KRT76: variants seen among roughly 807,000 people sequenced by gnomAD.
KRT76 encodes keratin, type II cytoskeletal 2 oral.
KRT76 carries 47 observed loss-of-function variants against 44.9 expected under a neutral mutation model. That is an observed-to-expected ratio of 1.05 (90% CI 0.83 to 1.33). KRT76 has a LOEUF of 1.33. KRT76 is among the 40% of genes most tolerant of loss of function. KRT76 has a pLI of 0.00. For missense variants in KRT76, 860 were observed against 775.8 expected, an observed-to-expected ratio of 1.11 and a Z score of -1.29; for synonymous variants, 331 against 294.1, an observed-to-expected ratio of 1.13 and a Z score of -1.28.
In KRT76 at chr12:52,769,111, C is replaced by G; in HGVS notation, c.1520-1G>C. 1 of 698,972 alleles carries G rather than the reference C, an allele frequency of 1.4e-6. No individual in the cohort carries two copies. Among genetic ancestry groups the G allele is most frequent in the South Asian group, 1.5e-5 (1 of 65,124 alleles). 43.3% of individuals were successfully genotyped at this position (698,972 alleles called of 1,614,324 possible). On this transcript the variant is annotated splice_acceptor_variant, in intron 8 of 8. Coordinates refer to ENST00000332411, the MANE Select transcript of KRT76 (RefSeq NM_015848.4). LOFTEE classifies it high-confidence loss of function. The stretch of plus-strand genomic sequence containing the variant: ...GTGCTGGTGACATTGCTGACCACTG[C>G]TACAAGACAACAGGCACACAATTCA...
rs889219269 is a variant in KRT76 at position 52,769,932 on chromosome 12, C to T, written c.1485-349G>A. Reference sequence around the variant, plus strand: ...TGCCCTTTCATTCTTCTCTACCCAGCCCTGGATTTTTTATTTCCAATTCTG... The same window carrying T: ...TGCCCTTTCATTCTTCTCTACCCAGTCCTGGATTTTTTATTTCCAATTCTG... On this transcript the variant is annotated intron_variant, in intron 7 of 8. Coordinates refer to ENST00000332411, the MANE Select transcript of KRT76 (RefSeq NM_015848.4). 3.3e-5 allele frequency among the ~76,000 whole-genome samples: 5 copies of T among 152,284 alleles called. 1 individual carries two copies. Among genetic ancestry groups the T allele is most frequent in the Admixed American group, 3.3e-4 (5 of 15,290 alleles).
At chr12:52,770,860 G>T in intron 7 of KRT76, 139 bp downstream of exon 7, 1 of 1,095,684 alleles carries the variant, frequency 9.1e-7, no homozygotes, top group South Asian at 1.5e-5. Flanking sequence ...AGTGGGGCTT[G>T]AACCCTTGAC....
At position 52,772,280 on chromosome 12, in the gene KRT76, A is replaced by T. The variant is rs371074081; in HGVS notation, c.973-22T>A. The T allele has an allele frequency of 6.4e-6, 10 of 1,573,250 alleles. No homozygotes were observed. In the African/African-American group the frequency reaches 1.3e-4, roughly 21 times the overall value. Reference sequence around the variant, plus strand: ...GCTCCTGCAGGAAACATGGATAGTTACTCTTACCATCGCCTGGACCAGGGG... The same window carrying T: ...GCTCCTGCAGGAAACATGGATAGTTTCTCTTACCATCGCCTGGACCAGGGG... On this transcript the variant is annotated intron_variant, in intron 4 of 8. Coordinates refer to ENST00000332411, the MANE Select transcript of KRT76 (RefSeq NM_015848.4).
chr12:52,771,295 C>A, intron 6 of KRT76, 76 bp from the exon 7 acceptor site: 1 of 1,348,522 alleles, frequency 7.4e-7, no homozygotes, highest in Non-Finnish European at 1.1e-6. Flanking sequence ...TCTCTTCCCC[C>A]ACATCCTGCA....
In KRT76 at chr12:52,768,720, G is replaced by A; in HGVS notation, c.1910C>T (p.Thr637Ile). The A allele has an allele frequency of 6.3e-7, 1 of 1,592,076 alleles. No individual in the cohort carries two copies. Among genetic ancestry groups the A allele is most frequent in the East Asian group, 2.3e-5 (1 of 44,258 alleles). The change falls in exon 9 of 9, where the codon ACC becomes ATC. Residue 637 changes from threonine (T) to isoleucine (I), a missense_variant. Thr to Ile is a moderately conservative substitution (Grantham distance 89, BLOSUM62 -1). Coordinates refer to ENST00000332411, the MANE Select transcript of KRT76 (RefSeq NM_015848.4). The part of the protein sequence containing the change: ...QTTSSSQHSS[T>I]K ...GAGATTTGGAACAGTAGATCACTTG[G>A]TGGAGCTATGCTGGCTTGAGCTCGT... is the stretch of plus-strand genomic sequence containing the variant.
At chr12:52,769,238 T>C (rs1939142434) in intron 8 of KRT76, 128 bp from the exon 9 acceptor site, 1 of 611,580 alleles carries the variant, frequency 1.6e-6, no homozygotes, top group African/African-American at 1.9e-5. Context: ...AATGCCTCAG[T>C]TTGCAAACCA....
intron 8 of KRT76, 39 bp from the exon 9 acceptor site, chr12:52,769,149 G>A: frequency 3.0e-6 from 2 of 664,818 alleles, no homozygotes; most frequent in South Asian, 1.7e-5. Flanking sequence ...CAAAGGGCCT[G>A]GGAAACTGGA....
chr12:52,777,047 C>A lies in KRT76; in HGVS notation c.245G>T (p.Gly82Val), dbSNP rs199823023. The A allele has an allele frequency of 1.3e-5, 21 of 1,614,042 alleles. No individual in the cohort carries two copies. Among genetic ancestry groups the A allele is most frequent in the Non-Finnish European group, 1.7e-5 (20 of 1,179,998 alleles). Residue 82 changes from glycine (G) to valine (V), a missense_variant, in exon 1 of 9, where the codon GGG (glycine) becomes GTG (valine). Gly to Val is a moderately radical substitution (Grantham distance 109). Coordinates refer to ENST00000332411, the MANE Select transcript of KRT76 (RefSeq NM_015848.4). ...AAGSSRAGGF[G>V]GGRSSCGFAG... ...AAAGCCACAGCTGCTCCGCCCTCCC[C>A]CAAAGCCTCCAGCCCGGGAGCTGCC...
Position 52,772,154 on chromosome 12 carries a change from G to T in KRT76, c.1077C>A (p.Ala359=). The part of the protein sequence containing the change: ...DLGSIIAEVR[A]QYEEIAQRSK... ...TCCTCTGGGCAATCTCCTCATACTG[G>T]GCGCGGACCTCGGCAATGATGCTGC... The change falls in exon 5 of 9, where the codon GCC becomes GCA. Residue 359 remains alanine, a synonymous_variant. Coordinates refer to ENST00000332411, the MANE Select transcript of KRT76 (RefSeq NM_015848.4). 6.2e-7 allele frequency: 1 copy of T among 1,613,738 alleles called. No homozygotes were observed. Among genetic ancestry groups the T allele is most frequent in the East Asian group, 2.2e-5 (1 of 44,888 alleles).
At chr12:52,776,502 C>A (rs568635737) in intron 1 of KRT76, among the ~76,000 whole-genome samples, 190 bp downstream of exon 1, 1 of 152,218 alleles carries the variant, frequency 6.6e-6, no homozygotes, top group Non-Finnish European at 1.5e-5. Context: ...TTCTTCCCCC[C>A]ATTTCACAGC....
At chr12:52,772,283 C>T (rs375842963) in intron 4 of KRT76, 25 bp from the exon 5 acceptor site, 7 of 1,570,796 alleles carry the variant, frequency 4.5e-6, no homozygotes, top group South Asian at 1.2e-5. Flanking sequence ...GATAGTTACT[C>T]TTACCATCGC....
At position 52,773,584 on chromosome 12, in the gene KRT76, T is replaced by C. The variant is rs1939217499; in HGVS notation, c.874A>G (p.Lys292Glu). Reference protein sequence around the residue: ...AAENEFVGLKKDVDAAFMNKV... With the variant: ...AAENEFVGLKEDVDAAFMNKV... ...TATGCTGGTCCAGGCTCACCTACCTTCTTGAGCCCCACAAACTCATTCTCT... is the reference window on the plus strand; with the variant it reads ...TATGCTGGTCCAGGCTCACCTACCTCCTTGAGCCCCACAAACTCATTCTCT... The change falls in exon 3 of 9, where the codon AAG becomes GAG. Residue 292 changes from lysine to glutamate, a missense_variant and splice_region_variant. Transcript: ENST00000332411. 6.2e-7 allele frequency: 1 copy of C among 1,612,138 alleles called. No homozygotes were observed.
chr12:52,772,230 C>G lies in KRT76; in HGVS notation c.1001G>C (p.Ser334Thr), dbSNP rs748842366. ...CATGGACAGAACCACAGACGTGTCA[C>G]TGGCATGGCTTTGCATCTGGGACAG... ...MELSQMQSHA[S>T]DTSVVLSMDN... Residue 334 changes from serine to threonine, a missense_variant, in exon 5 of 9, where the codon AGT becomes ACT. Ser to Thr is a moderately conservative substitution (Grantham distance 58). Coordinates refer to ENST00000332411, the MANE Select transcript of KRT76 (RefSeq NM_015848.4). 16 of 1,607,380 alleles carry G rather than the reference C, an allele frequency of 1.0e-5. No individual in the cohort carries two copies. In the East Asian group the frequency reaches 3.1e-4, roughly 31 times the overall value.
intron 7 of KRT76, 38 bp from the exon 8 acceptor site, chr12:52,769,621 G>A: frequency 6.9e-6 from 11 of 1,590,146 alleles, no homozygotes; most frequent in Non-Finnish European, 9.5e-6. Context: ...TTTCTGTTAT[G>A]AGTCAATAAC....
chr12:52,769,261 T>G (rs1250624844), intron 8 of KRT76, 151 bp from the exon 9 acceptor site: 3 of 608,022 alleles, frequency 4.9e-6, no homozygotes, highest in South Asian at 2.0e-5. Context: ...AGAGTGAGCC[T>G]GGCCTCTAGT....
Position 52,769,665 on chromosome 12 carries a change from C to T in KRT76, c.1485-82G>A, listed in dbSNP as rs142987631. On this transcript the variant is annotated intron_variant, in intron 7 of 8. Transcript: ENST00000332411. ...TGAGAGTTCACAACTTTGGGAGCCA[C>T]GCCCTCCCATTTGCCCCACTAGGGG... 7.9e-3 allele frequency: 9,946 copies of T among 1,260,452 alleles called. 70 individuals carry two copies. The highest frequency in any genetic ancestry group is 0.01 in the Non-Finnish European group (8,620 of 859,528). The allele number at this position is 1,260,452 out of a possible 1,614,324, so 78.1% of individuals were successfully genotyped here.
rs1354674121 is a variant in KRT76, at chr12:52,769,471, C to G, written c.1519+78G>C. On this transcript the variant is annotated intron_variant, in intron 8 of 8. Coordinates refer to ENST00000332411, the MANE Select transcript of KRT76 (RefSeq NM_015848.4). ...CCTTGGATGGAACAGGCCTTCTTGC[C>G]TGAAGGTCAGTCAGTGAGGTTGTTT... 3 of 1,279,432 alleles carry G rather than the reference C, an allele frequency of 2.3e-6. No homozygotes were observed. The East Asian group carries it at 6.9e-5, about 29-fold the overall frequency. 79.3% of individuals were successfully genotyped at this position (1,279,432 alleles called of 1,614,324 possible).
At position 52,776,864 on chromosome 12, in the gene KRT76, G is replaced by A; in HGVS notation, c.428C>T (p.Pro143Leu). Residue 143 changes from proline to leucine, a missense_variant, in exon 1 of 9, where the codon CCT becomes CTT. By Grantham distance (98) the Pro-to-Leu change is moderately conservative (BLOSUM62 -3). Coordinates refer to ENST00000332411, the MANE Select transcript of KRT76 (RefSeq NM_015848.4). Reference sequence around the variant, plus strand: ...AAAGCCCCCAGGGCCAAAGCCACCAGGACCACCAAAGCTGCCAGGCCCACC... The same window carrying A: ...AAAGCCCCCAGGGCCAAAGCCACCAAGACCACCAAAGCTGCCAGGCCCACC... Reference protein sequence around the residue: ...VFGGPGSFGGPGGFGPGGFPG... With the variant: ...VFGGPGSFGGLGGFGPGGFPG... The A allele has an allele frequency of 6.2e-7, 1 of 1,612,800 alleles. No individual in the cohort carries two copies. Among genetic ancestry groups the A allele is most frequent in the Non-Finnish European group, 8.5e-7 (1 of 1,179,372 alleles).
chr12:52,770,984 C>T lies in KRT76; in HGVS notation c.1484+15G>A. 1 of 1,613,936 alleles carries T rather than the reference C, an allele frequency of 6.2e-7. No homozygotes were observed. The highest frequency in any genetic ancestry group is 8.5e-7 in the Non-Finnish European group (1 of 1,179,888). On this transcript the variant is annotated intron_variant, in intron 7 of 8. Transcript: ENST00000332411. ...AAAACCATATCTGGAGAATGGTGAT[C>T]CCATGGCCCCTCACCTGCACTCCTC...
Sources: gnomAD v4.1 joint callset for allele counts (sites outside exome capture counted in the v4.1 genomes callset) on GRCh38, gnomAD v4.1.1 for gene constraint, MANE v1.5 for transcripts, NCBI Gene and HGNC (gene_info 2026-07-23, HGNC 2026-07-21) for gene names.